The following HRH3 variants were observed in gnomAD, a reference collection of about 807,000 sequenced individuals.
HRH3 encodes histamine H3 receptor.
A neutral mutation model predicts 21.6 loss-of-function variants in HRH3; 13 were observed. The ratio of observed to expected loss-of-function variants is 0.60; its 90% CI spans 0.39 to 0.96. HRH3 has a LOEUF of 0.96. HRH3 is among the 40% of genes least tolerant of loss of function. The pLI, the probability that HRH3 is intolerant of heterozygous loss-of-function variation, is 0.00. For synonymous variants in HRH3, 276 were observed against 290.3 expected, an observed-to-expected ratio of 0.95 and a Z score of 0.50; for missense variants, 461 against 622.7, an observed-to-expected ratio of 0.74 and a Z score of 2.76.
chr20:62,217,385 T>C (rs1457666445), intron 2 of HRH3, among the ~76,000 whole-genome samples: 2 of 152,280 alleles, frequency 1.3e-5, no homozygotes, highest in Non-Finnish European at 2.9e-5. Flanking sequence ...CCTGCACAGG[T>C]GCTCGCACCC....
chr20:62,215,216 G>T lies in HRH3; in HGVS notation c.*790C>A. The T allele has an allele frequency of 2.4e-6, 1 of 410,438 alleles. No individual in the cohort carries two copies. Among genetic ancestry groups the T allele is most frequent in the Non-Finnish European group, 4.9e-6 (1 of 202,294 alleles). The allele number at this position is 410,438 out of a possible 1,614,324, so 25.4% of individuals were successfully genotyped here. ...TGGCCGGGGCAGGCTTGGCCACCAGGGCTGGTGTGAGCCCAGAGGCGGGGT... is the reference window on the plus strand; with the variant it reads ...TGGCCGGGGCAGGCTTGGCCACCAGTGCTGGTGTGAGCCCAGAGGCGGGGT... On this transcript the variant is annotated 3_prime_UTR_variant, in exon 3 of 3. Coordinates refer to ENST00000340177, the MANE Select transcript of HRH3 (RefSeq NM_007232.3).
At position 62,219,573 on chromosome 20, in the gene HRH3, C is replaced by T; in HGVS notation, c.250+148G>A. 1.0e-6 allele frequency: 1 copy of T among 997,602 alleles called. No individual in the cohort carries two copies. Among genetic ancestry groups the T allele is most frequent in the East Asian group, 3.3e-5 (1 of 30,464 alleles). 61.8% of individuals were successfully genotyped at this position (997,602 alleles called of 1,614,324 possible). ...AGGAACTTCGCCTGTGCCCCCCACCCCATGGGCTCCGGACGCCCCCTTCCC... is the reference window on the plus strand; with the variant it reads ...AGGAACTTCGCCTGTGCCCCCCACCTCATGGGCTCCGGACGCCCCCTTCCC... On this transcript the variant is annotated intron_variant, in intron 1 of 2. Transcript: ENST00000340177. This position sits in a 1 kb window ranked among gnomAD's most constrained non-coding sequence, Gnocchi z 8.7.
chr20:62,215,927 G>C lies in HRH3; in HGVS notation c.*79C>G. ...GGGCTCACCCCTGGGGGAACGAGCC[G>C]GGTAGGGGGCAGCAGGGCCAGATGC... On this transcript the variant is annotated 3_prime_UTR_variant, in exon 3 of 3. Coordinates refer to ENST00000340177, the MANE Select transcript of HRH3 (RefSeq NM_007232.3). The C allele has an allele frequency of 1.5e-6, 2 of 1,367,482 alleles. No homozygotes were observed. The highest frequency in any genetic ancestry group is 2.0e-6 in the Non-Finnish European group (2 of 1,019,498). The allele number at this position is 1,367,482 out of a possible 1,614,324, so 84.7% of individuals were successfully genotyped here.
Position 62,219,749 on chromosome 20 carries a change from G to T in HRH3, c.222C>A (p.Leu74=). The T allele has an allele frequency of 1.2e-6, 2 of 1,604,416 alleles. No homozygotes were observed. Among genetic ancestry groups the T allele is most frequent in the South Asian group, 2.2e-5 (2 of 90,092 alleles). ...CGAGGAAGTCGGAGATGGCGAGGTTGAGCAGGAAGAAGTTGTTCTGGGTGC... is the reference window on the plus strand; with the variant it reads ...CGAGGAAGTCGGAGATGGCGAGGTTTAGCAGGAAGAAGTTGTTCTGGGTGC... ...SLRTQNNFFL[L]NLAISDFLVG... The change falls in exon 1 of 3, where the codon CTC becomes CTA. Residue 74 remains leucine, a synonymous_variant. Coordinates refer to ENST00000340177, the MANE Select transcript of HRH3 (RefSeq NM_007232.3). This position sits in a 1 kb window ranked among gnomAD's most constrained non-coding sequence, Gnocchi z 8.7.
Position 62,216,606 on chromosome 20 carries a change from G to A in HRH3, c.738C>T (p.Pro246=), listed in dbSNP as rs752794807. 12 of 1,609,738 alleles carry A rather than the reference G, an allele frequency of 7.5e-6. No individual in the cohort carries two copies. Among genetic ancestry groups the A allele is most frequent in the East Asian group, 4.5e-5 (2 of 44,748 alleles). ...GTGGGGGTGGTGAGGGCTGGGCCTC[G>A]GGAGGGGGCTCGGGGCCGGCTGCCT... The part of the protein sequence containing the change: ...AREAAGPEPP[P]EAQPSPPPPP... Residue 246 remains proline, a synonymous_variant, in exon 3 of 3, where the codon CCC becomes CCT. Coordinates refer to ENST00000340177, the MANE Select transcript of HRH3 (RefSeq NM_007232.3).
intron 2 of HRH3, among the ~76,000 whole-genome samples, chr20:62,217,650 T>C (rs1226113396): frequency 6.6e-6 from 1 of 151,398 alleles, no homozygotes; most frequent in Non-Finnish European, 1.5e-5. Flanking sequence ...CCTGCCACCC[T>C]CCCCCACCAG....
chr20:62,217,457 G>A (rs532888583), intron 2 of HRH3, among the ~76,000 whole-genome samples: 153 of 152,300 alleles, frequency 1.0e-3, no homozygotes, highest in Admixed American at 2.4e-3. Context: ...GACATCCCCC[G>A]CCCCGCCACA....
In HRH3 at chr20:62,218,590, GAGGCCCCGGC is replaced by G; in HGVS notation, c.308_317del (p.Gly103AlafsTer7). The G allele has an allele frequency of 1.9e-6, 3 of 1,612,526 alleles. No individual in the cohort carries two copies. The highest frequency in any genetic ancestry group is 2.5e-6 in the Non-Finnish European group (3 of 1,179,964). On this transcript the variant is annotated frameshift_variant, in exon 2 of 3. Transcript: ENST00000340177. LOFTEE classifies it high-confidence loss of function. The surrounding 1 kb of genome is among the most constrained non-coding windows in gnomAD (Gnocchi z 5.6). ...AGTCCACTACCAGCCACAGCTTGCA[GAGGCCCCGGC>G]CGAAGGTCCAGCGGCCTGTCAGCAC... is the stretch of plus-strand genomic sequence containing the variant.
At position 62,216,936 on chromosome 20, in the gene HRH3, G is replaced by A. The variant is rs773434806; in HGVS notation, c.418-10C>T. 9 of 1,589,660 alleles carry A rather than the reference G, an allele frequency of 5.7e-6. No individual in the cohort carries two copies. The highest frequency in any genetic ancestry group is 6.9e-6 in the Non-Finnish European group (8 of 1,166,120). On this transcript the variant is annotated splice_polypyrimidine_tract_variant and intron_variant, in intron 2 of 2. Transcript: ENST00000340177. ...GGGCCCGGTATGAGACCTGCAGAAG[G>A]GCAGGCTGGTCAGGGGCGGGGCGGA...
chr20:62,216,774 G>T lies in HRH3; in HGVS notation c.570C>A (p.Ala190=). 6.2e-7 allele frequency: 1 copy of T among 1,613,172 alleles called. No individual in the cohort carries two copies. The highest frequency in any genetic ancestry group is 8.5e-7 in the Non-Finnish European group (1 of 1,180,014). ...GGAAGTACCAGTTGTAGAAGAACTC[G>T]GCATAGCAGTGGCCCTCGGGGATGG... The part of the protein sequence containing the change: ...GSSIPEGHCY[A]EFFYNWYFLI... Residue 190 remains alanine (A), a synonymous_variant, in exon 3 of 3, where the codon GCC becomes GCA. Coordinates refer to ENST00000340177, the MANE Select transcript of HRH3 (RefSeq NM_007232.3).
chr20:62,215,732 G>T lies in HRH3; in HGVS notation c.*274C>A. On this transcript the variant is annotated 3_prime_UTR_variant, in exon 3 of 3. Coordinates refer to ENST00000340177, the MANE Select transcript of HRH3 (RefSeq NM_007232.3). ...GGTGGGCACCAGCAGGGGGTGGGCA[G>T]CATGTCTGGGACCTCCAGACTGTCC... 3.8e-6 allele frequency: 2 copies of T among 528,200 alleles called. No homozygotes were observed. Among genetic ancestry groups the T allele is most frequent in the Non-Finnish European group, 3.4e-6 (1 of 291,588 alleles). The allele number at this position is 528,200 out of a possible 1,614,324, so 32.7% of individuals were successfully genotyped here. A position where few individuals can be genotyped will look rare whatever the true frequency, so the allele number is the denominator to read the frequency against.
rs539257959 is a variant in HRH3, at chr20:62,219,281, G to A, written c.250+440C>T. 4.6e-4 allele frequency among the ~76,000 whole-genome samples: 60 copies of A among 131,622 alleles called. No homozygotes were observed. Among genetic ancestry groups the A allele is most frequent in the Non-Finnish European group, 4.7e-5 (3 of 63,242 alleles). 86.3% of individuals were successfully genotyped at this position (131,622 alleles called of 152,430 possible). On this transcript the variant is annotated intron_variant, in intron 1 of 2. Coordinates refer to ENST00000340177, the MANE Select transcript of HRH3 (RefSeq NM_007232.3). The surrounding 1 kb of genome is among the most constrained non-coding windows in gnomAD (Gnocchi z 8.7). ...TGGACACGTGAGAGCACGCTCCTCCGAGCGTCTCCCCCAACCCCCACCTTC... is the reference window on the plus strand; with the variant it reads ...TGGACACGTGAGAGCACGCTCCTCCAAGCGTCTCCCCCAACCCCCACCTTC...
Position 62,216,546 on chromosome 20 carries a change from G to C in HRH3, c.798C>G (p.His266Gln). Reference protein sequence around the residue: ...PGCWGCWQKGHGEAMPLHRYG... With the variant: ...PGCWGCWQKGQGEAMPLHRYG... ...ACCTGTGCAGCGGCATGGCCTCCCC[G>C]TGCCCCTTCTGCCAGCAGCCCCAGC... Residue 266 changes from histidine (H) to glutamine (Q), a missense_variant, in exon 3 of 3, where the codon CAC (histidine) becomes CAG (glutamine). His to Gln is a conservative substitution (Grantham distance 24). This residue lies in a region of HRH3 where 163 missense variants were observed against 139.4 expected (regional missense o/e 1.17). Coordinates refer to ENST00000340177, the MANE Select transcript of HRH3 (RefSeq NM_007232.3). 2 of 1,603,034 alleles carry C rather than the reference G, an allele frequency of 1.2e-6. No homozygotes were observed. Among genetic ancestry groups the C allele is most frequent in the South Asian group, 2.2e-5 (2 of 90,160 alleles).
Position 62,216,144 on chromosome 20 carries a change from G to A in HRH3, c.1200C>T (p.Leu400=), listed in dbSNP as rs887995922. ...GGTTGACAGCCGAGTTGGCCCACAG[G>A]AGCCAGAAGGAGGTTTCGTACCAGT... ...PDYWYETSFW[L]LWANSAVNPV... The change falls in exon 3 of 3, where the codon CTC becomes CTT. Residue 400 remains leucine, a synonymous_variant. Transcript: ENST00000340177. 1 of 1,613,246 alleles carries A rather than the reference G, an allele frequency of 6.2e-7. No homozygotes were observed. The highest frequency in any genetic ancestry group is 1.3e-5 in the African/African-American group (1 of 74,912).
In HRH3 at chr20:62,215,774, A is replaced by T; in HGVS notation, c.*232T>A. ...AGACTGTCCCTCCCGGTGGAGCCAG[A>T]ATGTGGGGGGCAGGGCCGGCCACCC... On this transcript the variant is annotated 3_prime_UTR_variant, in exon 3 of 3. Coordinates refer to ENST00000340177, the MANE Select transcript of HRH3 (RefSeq NM_007232.3). 1 of 569,332 alleles carries T rather than the reference A, an allele frequency of 1.8e-6. No homozygotes were observed. The highest frequency in any genetic ancestry group is 3.1e-6 in the Non-Finnish European group (1 of 318,914). 35.3% of individuals were successfully genotyped at this position (569,332 alleles called of 1,614,324 possible).
In HRH3 at chr20:62,216,471, G is replaced by C. The variant is rs765827097; in HGVS notation, c.873C>G (p.Leu291=). ...AVGAEAGEAT[L]GGGGGGGSVA... is the part of the protein sequence containing the mutation. ...CGGAGCCGCCCCCACCGCCACCCCC[G>C]AGGGTCGCCTCCCCGGCCTCAGCGC... The change falls in exon 3 of 3, where the codon CTC becomes CTG. Residue 291 remains leucine, a synonymous_variant. Coordinates refer to ENST00000340177, the MANE Select transcript of HRH3 (RefSeq NM_007232.3). The C allele has an allele frequency of 5.8e-6, 9 of 1,552,774 alleles. No homozygotes were observed. Among genetic ancestry groups the C allele is most frequent in the Non-Finnish European group, 7.8e-6 (9 of 1,148,434 alleles).
chr20:62,216,095 G>A lies in HRH3; in HGVS notation c.1249C>T (p.His417Tyr). Residue 417 changes from histidine to tyrosine, a missense_variant, in exon 3 of 3, where the codon CAC (histidine) becomes TAC (tyrosine). Physicochemically the swap from His to Tyr is moderately conservative, Grantham distance 83. Coordinates refer to ENST00000340177, the MANE Select transcript of HRH3 (RefSeq NM_007232.3). ...VNPVLYPLCH[H>Y]SFRRAFTKLL... ...TTGGTGAAGGCCCGGCGGAAGCTGTGGTGGCACAGAGGGTAGAGGACAGGG... is the reference window on the plus strand; with the variant it reads ...TTGGTGAAGGCCCGGCGGAAGCTGTAGTGGCACAGAGGGTAGAGGACAGGG... 1 of 1,612,264 alleles carries A rather than the reference G, an allele frequency of 6.2e-7. No homozygotes were observed. Among genetic ancestry groups the A allele is most frequent in the Non-Finnish European group, 8.5e-7 (1 of 1,179,574 alleles).
chr20:62,217,411 G>A (rs1464803485), intron 2 of HRH3, among the ~76,000 whole-genome samples: 1 of 152,212 alleles, frequency 6.6e-6, no homozygotes, highest in Non-Finnish European at 1.5e-5. Flanking sequence ...AGCTGGAGGT[G>A]CAGGGGTGAA....
In HRH3 at chr20:62,216,648, C is replaced by A. The variant is rs565206178; in HGVS notation, c.696G>T (p.Arg232=). The A allele has an allele frequency of 6.2e-7, 1 of 1,612,702 alleles. No homozygotes were observed. Among genetic ancestry groups the A allele is most frequent in the African/African-American group, 1.3e-5 (1 of 75,044 alleles). The change falls in exon 3 of 3, where the codon CGG becomes CGT. Residue 232 remains arginine (R), a synonymous_variant. Coordinates refer to ENST00000340177, the MANE Select transcript of HRH3 (RefSeq NM_007232.3). ...YLNIQRRTRL[R]LDGAREAAGP... is the part of the protein sequence containing the mutation. ...CGGCTGCCTCTCGAGCCCCATCCAGCCGGAGGCGGGTGCGCCTCTGGATGT... is the reference window on the plus strand; with the variant it reads ...CGGCTGCCTCTCGAGCCCCATCCAGACGGAGGCGGGTGCGCCTCTGGATGT...
Sources: allele counts gnomAD v4.1 joint callset (sites outside exome capture counted in the v4.1 genomes callset), GRCh38; gene constraint gnomAD v4.1.1; regional missense constraint gnomAD v4.1.1; non-coding constraint Gnocchi (gnomAD v3.1); transcripts MANE v1.5; gene names NCBI Gene and HGNC (gene_info 2026-07-23, HGNC 2026-07-21).